The following SPNS1 variants were observed in gnomAD, a reference collection of about 807,000 sequenced individuals.
SPNS1 encodes the protein protein spinster homolog 1.
A neutral mutation model predicts 50.3 loss-of-function variants in SPNS1; 22 were observed. The ratio of observed to expected loss-of-function variants is 0.44; its 90% CI spans 0.31 to 0.62. SPNS1 has a LOEUF of 0.62. Ranked by LOEUF, SPNS1 falls within the 20% of genes least tolerant of loss-of-function variation. SPNS1 has a pLI of 0.07. For missense variants in SPNS1, 576 were observed against 728.6 expected (o/e 0.79, Z 2.41); for synonymous variants, 295 against 317.4 (o/e 0.93, Z 0.75).
rs760307159 is a variant in SPNS1, at chr16:28,983,869, G to A, written c.1404G>A (p.Ala468=). 1.3e-5 allele frequency: 21 copies of A among 1,603,578 alleles called. No homozygotes were observed. Among genetic ancestry groups the A allele is most frequent in the Middle Eastern group, 1.6e-4 (1 of 6,078 alleles). ...TGCAGTTCTCGCTCATGCTCTGCGC[G>A]TTTGTTGGGGCACTGGGCGGCGCAG... ...RALQFSLMLC[A]FVGALGGAAF... Residue 468 remains alanine, a synonymous_variant, in exon 11 of 12, where the codon GCG becomes GCA. Coordinates refer to ENST00000311008, the MANE Select transcript of SPNS1 (RefSeq NM_032038.3). The surrounding 1 kb of genome is among the most constrained non-coding windows in gnomAD (Gnocchi z 5.4).
intron 3 of SPNS1, 59 bp from the exon 4 acceptor site, chr16:28,979,096 G>A: frequency 6.3e-7 from 1 of 1,576,366 alleles, no homozygotes; most frequent in Non-Finnish European, 8.6e-7. Flanking sequence ...GGGCTGGTGA[G>A]GTAGCCCGGA....
At chr16:28,977,301 G>A (rs1412322697) in intron 2 of SPNS1, among the ~76,000 whole-genome samples, 1 of 139,318 alleles carries the variant, frequency 7.2e-6, no homozygotes, top group Non-Finnish European at 1.5e-5. Context: ...ACAACAGAGC[G>A]AGACTTCGTT....
intron 3 of SPNS1, chr16:28,978,885 C>T: frequency 4.4e-6 from 2 of 451,942 alleles, no homozygotes; most frequent in South Asian, 3.4e-5. Context: ...TTATTTAGAC[C>T]TTTTATTGTC....
Position 28,983,005 on chromosome 16 carries a change from A to C in SPNS1, c.1221+83A>C. On this transcript the variant is annotated intron_variant, in intron 9 of 11. Coordinates refer to ENST00000311008, the MANE Select transcript of SPNS1 (RefSeq NM_032038.3). This position sits in a 1 kb window ranked among gnomAD's most constrained non-coding sequence, Gnocchi z 5.4. The stretch of plus-strand genomic sequence containing the variant: ...TCAGGAGTGTTGCCTCTACCCCTCA[A>C]AGCCCAGCCTCAACCTACCTTCTGC... The C allele has an allele frequency of 6.8e-7, 1 of 1,476,754 alleles. No homozygotes were observed. The highest frequency in any genetic ancestry group is 9.4e-7 in the Non-Finnish European group (1 of 1,058,678). The allele number at this position is 1,476,754 out of a possible 1,614,324, so 91.5% of individuals were successfully genotyped here. A position where few individuals can be genotyped will look rare whatever the true frequency, so the allele number is the denominator to read the frequency against.
intron 7 of SPNS1, 115 bp from the exon 8 acceptor site, chr16:28,982,241 A>C: frequency 7.2e-6 from 10 of 1,381,680 alleles, no homozygotes; most frequent in Non-Finnish European, 9.9e-6. Flanking sequence ...GGGCTGTGCC[A>C]ACCATGGGGT....
rs1247821954 is a variant in SPNS1, at chr16:28,984,534, T to C, written c.*235T>C. ...GTGCTATTTGTAACGGAATAAAATT[T>C]GTAGCCAGACCCCAGGTGCCTGCTC... On this transcript the variant is annotated 3_prime_UTR_variant, in exon 12 of 12. Transcript: ENST00000311008. 1 of 631,682 alleles carries C rather than the reference T, an allele frequency of 1.6e-6. No individual in the cohort carries two copies. The highest frequency in any genetic ancestry group is 2.8e-6 in the Non-Finnish European group (1 of 352,452). 39.1% of individuals were successfully genotyped at this position (631,682 alleles called of 1,614,324 possible).
chr16:28,975,125 C>T lies in SPNS1; in HGVS notation c.-27C>T, dbSNP rs1370125217. On this transcript the variant is annotated 5_prime_UTR_variant, in exon 1 of 12. Transcript: ENST00000311008. ...GGTGGGATCGTCGGTGGGACCGGAG[C>T]GCGGGCGGGCGCGGCCCCCCGGGAC... is the stretch of plus-strand genomic sequence containing the variant. The T allele has an allele frequency of 6.8e-7, 1 of 1,468,582 alleles. No individual in the cohort carries two copies. The highest frequency in any genetic ancestry group is 9.0e-7 in the Non-Finnish European group (1 of 1,114,266). 91.0% of individuals were successfully genotyped at this position (1,468,582 alleles called of 1,614,324 possible).
intron 2 of SPNS1, among the ~76,000 whole-genome samples, chr16:28,977,559 A>G (rs541791253): frequency 2.4e-4 from 37 of 152,250 alleles, no homozygotes; most frequent in African/African-American, 8.9e-4. Flanking sequence ...AGACAGAGGA[A>G]GGGAAAAAGG....
At chr16:28,975,765 G>T (rs1035719837) in intron 2 of SPNS1, among the ~76,000 whole-genome samples, 3 of 152,224 alleles carry the variant, frequency 2.0e-5, no homozygotes, top group Non-Finnish European at 4.4e-5. Flanking sequence ...ACTTCACCCA[G>T]GTGAAGACAG....
At chr16:28,982,254 T>C in intron 7 of SPNS1, 102 bp from the exon 8 acceptor site, 1 of 1,400,250 alleles carries the variant, frequency 7.1e-7, no homozygotes. Flanking sequence ...CATGGGGTGC[T>C]GTGTCTGTAG....
chr16:28,979,142 T>A lies in SPNS1; in HGVS notation c.445-13T>A, dbSNP rs538267634. On this transcript the variant is annotated splice_polypyrimidine_tract_variant and intron_variant, in intron 3 of 11. Transcript: ENST00000311008. ...AGGCTGGGGTGCCACCTCTCCCCGGTCTCTCTCCCCAGCATTTCTGGCTGC... is the reference window on the plus strand; with the variant it reads ...AGGCTGGGGTGCCACCTCTCCCCGGACTCTCTCCCCAGCATTTCTGGCTGC... 6.2e-6 allele frequency: 10 copies of A among 1,611,246 alleles called. No individual in the cohort carries two copies. The highest frequency in any genetic ancestry group is 8.5e-6 in the Non-Finnish European group (10 of 1,178,880).
chr16:28,977,503 T>C (rs1043929670), intron 2 of SPNS1, among the ~76,000 whole-genome samples: 5 of 151,986 alleles, frequency 3.3e-5, no homozygotes, highest in African/African-American at 1.2e-4. Context: ...AGTAGGTGCC[T>C]AAACCCCTAG....
intron 8 of SPNS1, 29 bp downstream of exon 8, chr16:28,982,574 T>A: frequency 6.3e-7 from 1 of 1,581,806 alleles, no homozygotes; most frequent in Non-Finnish European, 8.6e-7. Flanking sequence ...TCAAGGGGGA[T>A]GGCGTGGGTC....
Position 28,983,146 on chromosome 16 carries a change from C to A in SPNS1, c.1222-46C>A. On this transcript the variant is annotated intron_variant, in intron 9 of 11. Transcript: ENST00000311008. The surrounding 1 kb of genome is among the most constrained non-coding windows in gnomAD (Gnocchi z 5.4). ...GTCTCCTGGCCCCCTGCCTCCTGCC[C>A]CCTGGAGCCCAGAGCATCCACTGAG... The A allele has an allele frequency of 6.7e-7, 1 of 1,486,576 alleles. No individual in the cohort carries two copies. The highest frequency in any genetic ancestry group is 9.4e-7 in the Non-Finnish European group (1 of 1,065,948). The allele number at this position is 1,486,576 out of a possible 1,614,324, so 92.1% of individuals were successfully genotyped here.
At chr16:28,982,694 C>G in intron 8 of SPNS1, 149 bp downstream of exon 8, 1 of 1,254,300 alleles carries the variant, frequency 8.0e-7, no homozygotes. Flanking sequence ...GACTTAACCT[C>G]TCTGTGCTCA....
Position 28,981,325 on chromosome 16 carries a change from G to A in SPNS1, c.664-145G>A, listed in dbSNP as rs3922668. The A allele has an allele frequency of 0.41, 419,290 of 1,035,242 alleles. 90,178 individuals are homozygous for A. The highest frequency in any genetic ancestry group is 0.73 in the African/African-American group (45,409 of 62,116). The allele number at this position is 1,035,242 out of a possible 1,614,324, so 64.1% of individuals were successfully genotyped here. A position where few individuals can be genotyped will look rare whatever the true frequency, so the allele number is the denominator to read the frequency against. On this transcript the variant is annotated intron_variant, in intron 5 of 11. Coordinates refer to ENST00000311008, the MANE Select transcript of SPNS1 (RefSeq NM_032038.3). The surrounding 1 kb of genome is among the most constrained non-coding windows in gnomAD (Gnocchi z 4.2). ...CCCTAGTGGCAGCCCCCTTCCCCCA[G>A]ATTGCAGGTTCGGCTTCTTGGAGCA...
rs1204340277 is a variant in SPNS1 at position 28,983,744 on chromosome 16, T to C, written c.1321-42T>C. ...GGGCGTGCCCTCCCTGGTTCATCCA[T>C]GAGGCTGACTCCCCTGGCTTTCCTG... On this transcript the variant is annotated intron_variant, in intron 10 of 11. Coordinates refer to ENST00000311008, the MANE Select transcript of SPNS1 (RefSeq NM_032038.3). This position sits in a 1 kb window ranked among gnomAD's most constrained non-coding sequence, Gnocchi z 5.4. The C allele has an allele frequency of 3.3e-6, 5 of 1,528,532 alleles. 1 individual carries two copies. Among genetic ancestry groups the C allele is most frequent in the Non-Finnish European group, 2.6e-6 (3 of 1,138,948 alleles). 94.7% of individuals were successfully genotyped at this position (1,528,532 alleles called of 1,614,324 possible).
Position 28,975,012 on chromosome 16 carries a change from G to A in SPNS1, c.-140G>A. Reference sequence around the variant, plus strand: ...CCGGGTCCCTTCTCAGTGGTGCTCTGTGCTTCAGGGCAAGCTCCCCGTCTC... The same window carrying A: ...CCGGGTCCCTTCTCAGTGGTGCTCTATGCTTCAGGGCAAGCTCCCCGTCTC... On this transcript the variant is annotated 5_prime_UTR_variant, in exon 1 of 12. In the 5' UTR this introduces an upstream ATG that the reference lacks. Coordinates refer to ENST00000311008, the MANE Select transcript of SPNS1 (RefSeq NM_032038.3). 1 of 1,439,252 alleles carries A rather than the reference G, an allele frequency of 6.9e-7. No homozygotes were observed. Among genetic ancestry groups the A allele is most frequent in the Admixed American group, 2.7e-5 (1 of 36,378 alleles). 89.2% of individuals were successfully genotyped at this position (1,439,252 alleles called of 1,614,324 possible). A position where few individuals can be genotyped will look rare whatever the true frequency, so the allele number is the denominator to read the frequency against.
chr16:28,983,049 C>T lies in SPNS1; in HGVS notation c.1221+127C>T, dbSNP rs1965611149. The T allele has an allele frequency of 1.4e-5, 18 of 1,269,242 alleles. No individual in the cohort carries two copies. Among genetic ancestry groups the T allele is most frequent in the Non-Finnish European group, 2.0e-5 (18 of 885,988 alleles). The allele number at this position is 1,269,242 out of a possible 1,614,324, so 78.6% of individuals were successfully genotyped here. Reference sequence around the variant, plus strand: ...CTTCTGCAATAAATAACATCTGTAGCAGACCCCCGGCCTGCCCTGCGACCT... The same window carrying T: ...CTTCTGCAATAAATAACATCTGTAGTAGACCCCCGGCCTGCCCTGCGACCT... On this transcript the variant is annotated intron_variant, in intron 9 of 11. Transcript: ENST00000311008. This position sits in a 1 kb window ranked among gnomAD's most constrained non-coding sequence, Gnocchi z 5.4.
Sources: allele counts gnomAD v4.1 joint callset (sites outside exome capture counted in the v4.1 genomes callset), GRCh38; gene constraint gnomAD v4.1.1; non-coding constraint Gnocchi (gnomAD v3.1); transcripts MANE v1.5; gene names NCBI Gene and HGNC (gene_info 2026-07-23, HGNC 2026-07-21).